Variants in PAPPA observed in about 807,000 individuals in gnomAD.
The protein encoded by PAPPA is pappalysin 1.
In PAPPA, 60 loss-of-function variants were observed where a neutral mutation model predicts 164.0. The ratio of observed to expected loss-of-function variants is 0.37; its 90% confidence interval spans 0.30 to 0.45. The LOEUF (loss-of-function observed/expected upper bound fraction) is 0.45, where lower values mean the gene tolerates loss of function less well. Ranked by LOEUF, PAPPA falls within the 20% of genes least tolerant of loss-of-function variation. The pLI is 1.00. For missense variants in PAPPA, 1,782 were observed against 2,087.3 expected, an observed-to-expected ratio of 0.85 and a Z score of 2.85; for synonymous variants, 875 against 814.1, an observed-to-expected ratio of 1.07 and a Z score of -1.27.
At chr9:116,322,955 A>AAC (rs1845878141) in intron 10 of PAPPA, among the ~76,000 whole-genome samples, 1 of 152,122 alleles carries the variant, frequency 6.6e-6, no homozygotes, top group Admixed American at 6.5e-5. Flanking sequence ...GAGAGGTTGG[A>AAC]CTAGAGGCTT....
At chr9:116,283,409 G>A (rs1322885203) in intron 9 of PAPPA, among the ~76,000 whole-genome samples, 1 of 152,068 alleles carries the variant, frequency 6.6e-6, no homozygotes, top group African/African-American at 2.4e-5. Flanking sequence ...CAGACAGAGG[G>A]TTTTTCTCTA....
At chr9:116,285,213 A>G (rs1845322784) in intron 9 of PAPPA, among the ~76,000 whole-genome samples, 1 of 57,070 alleles carries the variant, frequency 1.8e-5, no homozygotes, top group African/African-American at 6.9e-5. Flanking sequence ...CTTTGTTGCC[A>G]GGCCAGAGTG....
At chr9:116,384,561 A>G (rs1846780172) in intron 21 of PAPPA, among the ~76,000 whole-genome samples, 1 of 152,100 alleles carries the variant, frequency 6.6e-6, no homozygotes, top group Admixed American at 6.6e-5. Flanking sequence ...GTAACCATTT[A>G]CTTCAACTTT....
intron 13 of PAPPA, among the ~76,000 whole-genome samples, chr9:116,340,385 C>T (rs1846120878): frequency 6.6e-6 from 1 of 152,198 alleles, no homozygotes; most frequent in South Asian, 2.1e-4. Context: ...AGAGCAGGGA[C>T]TTAGGGGACA....
chr9:116,401,948 C>T lies in PAPPA; in HGVS notation c.*5332C>T, dbSNP rs1196012781. On this transcript the variant is annotated 3_prime_UTR_variant, in exon 22 of 22. Transcript: ENST00000328252. ...CAATCCTTTTTCTGTACCTCACGCGCATAAATTTGCTGCTCCTATTTTTTT... is the reference window on the plus strand; with the variant it reads ...CAATCCTTTTTCTGTACCTCACGCGTATAAATTTGCTGCTCCTATTTTTTT... 6.6e-6 allele frequency: 1 copy of T among 151,608 alleles called. No homozygotes were observed. The highest frequency in any genetic ancestry group is 2.4e-5 in the African/African-American group (1 of 41,244). 9.4% of individuals were successfully genotyped at this position (151,608 alleles called of 1,614,324 possible).
rs1226402330 is a variant in PAPPA at position 116,187,583 on chromosome 9, C to G, written c.845C>G (p.Pro282Arg). The stretch of plus-strand genomic sequence containing the variant: ...ACCCATGGCGCCCACACTGCTCTAC[C>G]TCAGCTCCTCCTCCAGGAGAACTGG... Reference protein sequence around the residue: ...METHGAHTALPQLLLQENWDN... With the variant: ...METHGAHTALRQLLLQENWDN... The change falls in exon 2 of 22, where the codon CCT becomes CGT. Residue 282 changes from proline to arginine, a missense_variant. By Grantham distance (103) the Pro-to-Arg change is moderately radical. Around this residue, in one of 2 missense-constraint regions of PAPPA, gnomAD observed 458 missense variants for 430.3 expected, o/e 1.06. Coordinates refer to ENST00000328252, the MANE Select transcript of PAPPA (RefSeq NM_002581.5). This position sits in a 1 kb window ranked among gnomAD's most constrained non-coding sequence, Gnocchi z 4.2. 6.2e-7 allele frequency: 1 copy of G among 1,614,242 alleles called. No homozygotes were observed. Among genetic ancestry groups the G allele is most frequent in the South Asian group, 1.1e-5 (1 of 91,082 alleles).
chr9:116,166,929 T>A (rs1404908285), intron 1 of PAPPA, among the ~76,000 whole-genome samples: 1 of 151,838 alleles, frequency 6.6e-6, no homozygotes, highest in South Asian at 2.1e-4. Context: ...AATGCAAACA[T>A]TTGAAGAATG....
chr9:116,313,096 AAAAAAG>A (rs1163232653), intron 10 of PAPPA, among the ~76,000 whole-genome samples: 2 of 151,602 alleles, frequency 1.3e-5, no homozygotes, highest in African/African-American at 4.8e-5. Context: ...AAAAAAAAAA[AAAAAAG>A]AAACTCCAAC....
intron 2 of PAPPA, among the ~76,000 whole-genome samples, chr9:116,193,421 C>A (rs1021389680): frequency 1.3e-5 from 2 of 152,146 alleles, no homozygotes; most frequent in African/African-American, 4.8e-5. Flanking sequence ...CCTTTTCAAT[C>A]TGAATGAAGG....
chr9:116,187,918 G>A lies in PAPPA; in HGVS notation c.1180G>A (p.Glu394Lys). Residue 394 changes from glutamate (E) to lysine (K), a missense_variant, in exon 2 of 22, where the codon GAG (glutamate) becomes AAG (lysine). This residue lies in a region of PAPPA where 1,324 missense variants were observed against 1,656.9 expected (regional missense o/e 0.80). Transcript: ENST00000328252. The surrounding 1 kb of genome is among the most constrained non-coding windows in gnomAD (Gnocchi z 4.2). ...EAFKQYNISWELDVLEVSNSS... is the reference protein window; with the variant it reads ...EAFKQYNISWKLDVLEVSNSS... ...CTTCAAGCAATACAACATCTCCTGG[G>A]AGCTGGACGTGCTGGAGGTGAGCAA... is the stretch of plus-strand genomic sequence containing the variant. 5 of 1,614,134 alleles carry A rather than the reference G, an allele frequency of 3.1e-6. No individual in the cohort carries two copies. Among genetic ancestry groups the A allele is most frequent in the Non-Finnish European group, 4.2e-6 (5 of 1,180,036 alleles).
In PAPPA at chr9:116,401,584, ATATG is replaced by A. The variant is rs879877183; in HGVS notation, c.*4970_*4973del. ...TGCACATGTATATATAGTTGTACAT[ATATG>A]TGTGTATATATATACTTAAATGTAA... On this transcript the variant is annotated 3_prime_UTR_variant, in exon 22 of 22. Coordinates refer to ENST00000328252, the MANE Select transcript of PAPPA (RefSeq NM_002581.5). 6.6e-6 allele frequency: 1 copy of A among 151,228 alleles called. No individual in the cohort carries two copies. Among genetic ancestry groups the A allele is most frequent in the Non-Finnish European group, 1.5e-5 (1 of 67,752 alleles). The allele number at this position is 151,228 out of a possible 1,614,324, so 9.4% of individuals were successfully genotyped here.
In PAPPA at chr9:116,347,318, T is replaced by A; in HGVS notation, c.3964+109T>A. 1 of 887,492 alleles carries A rather than the reference T, an allele frequency of 1.1e-6. No individual in the cohort carries two copies. Among genetic ancestry groups the A allele is most frequent in the Non-Finnish European group, 1.7e-6 (1 of 584,128 alleles). The allele number at this position is 887,492 out of a possible 1,614,324, so 55.0% of individuals were successfully genotyped here. A position where few individuals can be genotyped will look rare whatever the true frequency, so the allele number is the denominator to read the frequency against. On this transcript the variant is annotated intron_variant, in intron 15 of 21. Coordinates refer to ENST00000328252, the MANE Select transcript of PAPPA (RefSeq NM_002581.5). The surrounding 1 kb of genome is among the most constrained non-coding windows in gnomAD (Gnocchi z 4.5). ...CAAACACCAAGGGTGGGATGGGTTT[T>A]ATCTATGCTCCTGACTTCTTCCTAC...
At position 116,330,527 on chromosome 9, in the gene PAPPA, G is replaced by T. The variant is rs954554597; in HGVS notation, c.3148-717G>T. ...GAAACCCCTAAGTTTGAAGAATCCT[G>T]CTTGTCTATAAATGTTTCCTGTTTC... On this transcript the variant is annotated intron_variant, in intron 10 of 21. Coordinates refer to ENST00000328252, the MANE Select transcript of PAPPA (RefSeq NM_002581.5). Among the ~76,000 whole-genome samples the T allele has an allele frequency of 2.6e-5, 4 of 152,064 alleles. No individual in the cohort carries two copies. In the East Asian group the frequency reaches 5.8e-4, roughly 22 times the overall value.
At chr9:116,359,042 A>T (rs934567326) in intron 17 of PAPPA, among the ~76,000 whole-genome samples, 2 of 152,292 alleles carry the variant, frequency 1.3e-5, no homozygotes. Flanking sequence ...GCAGTCAGGG[A>T]ACTTGAGGCA....
chr9:116,352,979 C>G (rs2118595377), intron 16 of PAPPA, 63 bp downstream of exon 16: 3 of 1,228,862 alleles, frequency 2.4e-6, no homozygotes, highest in Admixed American at 3.8e-5. Flanking sequence ...GTTCAAATGC[C>G]TGACTGGACG....
intron 7 of PAPPA, among the ~76,000 whole-genome samples, chr9:116,265,151 T>C (rs543238028): frequency 6.6e-6 from 1 of 152,264 alleles, no homozygotes; most frequent in East Asian, 1.9e-4. Context: ...GCAAGTTGCT[T>C]TACCTTCCTA....
intron 2 of PAPPA, among the ~76,000 whole-genome samples, chr9:116,200,309 T>C (rs1431883667): frequency 6.6e-6 from 1 of 152,196 alleles, no homozygotes; most frequent in Non-Finnish European, 1.5e-5. Flanking sequence ...TGGGTGTCAT[T>C]GCTGTATGCT....
chr9:116,370,594 G>T (rs1466185477), intron 19 of PAPPA, among the ~76,000 whole-genome samples: 4 of 152,188 alleles, frequency 2.6e-5, no homozygotes, highest in Non-Finnish European at 4.4e-5. Context: ...AGATTTCAAG[G>T]TTTCCAGGTT....
At chr9:116,316,750 C>T (rs1845792106) in intron 10 of PAPPA, among the ~76,000 whole-genome samples, 1 of 152,234 alleles carries the variant, frequency 6.6e-6, no homozygotes. Flanking sequence ...ACATAAGTGA[C>T]TGCTGTCCAC....
Sources: allele counts gnomAD v4.1 joint callset (sites outside exome capture counted in the v4.1 genomes callset), GRCh38; gene constraint gnomAD v4.1.1; regional missense constraint gnomAD v4.1.1; non-coding constraint Gnocchi (gnomAD v3.1); transcripts MANE v1.5; gene names NCBI Gene and HGNC (gene_info 2026-07-23, HGNC 2026-07-21).